ACTN3: variants seen among roughly 807,000 people sequenced by gnomAD.
ACTN3 encodes alpha-actinin-3.
ACTN3 carries 91 observed loss-of-function variants against 119.6 expected under a neutral mutation model. That is an observed-to-expected ratio of 0.76 (90% CI 0.64 to 0.91). ACTN3 has a LOEUF of 0.91. Ranked by LOEUF, ACTN3 falls within the 40% of genes least tolerant of loss-of-function variation. The pLI is 0.00. For missense variants in ACTN3, 1,221 were observed against 1,215.1 expected, an observed-to-expected ratio of 1.00 and a Z score of -0.07; for synonymous variants, 456 against 478.8, an observed-to-expected ratio of 0.95 and a Z score of 0.62.
rs372171270 is a variant in ACTN3 at position 66,562,065 on chromosome 11, G to A, written c.2219G>A (p.Arg740His). 3.1e-5 allele frequency: 50 copies of A among 1,613,130 alleles called. No homozygotes were observed. Among genetic ancestry groups the A allele is most frequent in the South Asian group, 4.4e-5 (4 of 90,962 alleles). ...GWEQLLTSIA[R>H]TINEVENQVL... Reference sequence around the variant, plus strand: ...GAGCAGCTGCTCACCTCCATTGCCCGCACCATCAATGAAGTGGAGAACCAG... The same window carrying A: ...GAGCAGCTGCTCACCTCCATTGCCCACACCATCAATGAAGTGGAGAACCAG... The change falls in exon 18 of 21, where the codon CGC (arginine) becomes CAC (histidine). Residue 740 changes from arginine to histidine, a missense_variant. Physicochemically the swap from Arg to His is conservative, Grantham distance 29. Coordinates refer to ENST00000513398, the MANE Select transcript of ACTN3 (RefSeq NM_001104.4).
chr11:66,549,622 T>C (rs1857430887), intron 1 of ACTN3, among the ~76,000 whole-genome samples: 1 of 150,684 alleles, frequency 6.6e-6, no homozygotes, highest in Admixed American at 6.7e-5. Context: ...TCCCAGCTAC[T>C]TGGGAGGCTG....
chr11:66,556,673 G>A (rs2134929983), intron 8 of ACTN3, among the ~76,000 whole-genome samples: 1 of 152,328 alleles, frequency 6.6e-6, no homozygotes, highest in Middle Eastern at 3.4e-3. Context: ...CTGGACTCAA[G>A]TAACTCACCC....
At chr11:66,546,414 A>T, upstream of ACTN3, 20 of 871,958 alleles carry the variant, frequency 2.3e-5, no homozygotes, top group Non-Finnish European at 3.5e-5. Context: ...GCCGCAGCCC[A>T]TCCAGCTGGC....
Position 66,554,053 on chromosome 11 carries a change from G to T in ACTN3, c.391G>T (p.Asp131Tyr). 6.2e-7 allele frequency: 1 copy of T among 1,613,752 alleles called. No homozygotes were observed. The highest frequency in any genetic ancestry group is 8.5e-7 in the Non-Finnish European group (1 of 1,179,886). Residue 131 changes from aspartate to tyrosine, a missense_variant, in exon 4 of 21, where the codon GAC (aspartate) becomes TAC (tyrosine). Around this residue, in one of 3 missense-constraint regions of ACTN3, gnomAD observed 239 missense variants for 231.8 expected, o/e 1.03. Coordinates refer to ENST00000513398, the MANE Select transcript of ACTN3 (RefSeq NM_001104.4). ...LVSIGAEEIV[D>Y]GNLKMTLGMI... ...TGACCCCTGCCCTGCAGAGATTGTT[G>T]ACGGGAACCTGAAGATGACCCTGGG... is the stretch of plus-strand genomic sequence containing the variant.
Position 66,546,973 on chromosome 11 carries a change from C to A in ACTN3, c.36C>A (p.Ala12=). 6.6e-7 allele frequency: 1 copy of A among 1,521,964 alleles called. No homozygotes were observed. Among genetic ancestry groups the A allele is most frequent in the Non-Finnish European group, 8.8e-7 (1 of 1,138,428 alleles). The allele number at this position is 1,521,964 out of a possible 1,614,324, so 94.3% of individuals were successfully genotyped here. ...MMVMQPEGLG[A]GEGRFAGGGG... ...TTATGCAGCCCGAGGGTCTGGGGGC[C>A]GGGGAGGGGCGCTTTGCGGGCGGCG... Residue 12 remains alanine (A), a synonymous_variant, in exon 1 of 21, where the codon GCC becomes GCA. Transcript: ENST00000513398.
In ACTN3 at chr11:66,561,286, G is replaced by A. The variant is rs1425349350; in HGVS notation, c.1920G>A (p.Gln640=). The A allele has an allele frequency of 6.2e-7, 1 of 1,607,406 alleles. No individual in the cohort carries two copies. The highest frequency in any genetic ancestry group is 8.5e-7 in the Non-Finnish European group (1 of 1,177,872). Residue 640 remains glutamine (Q), a synonymous_variant, in exon 16 of 21, where the codon CAG becomes CAA. Transcript: ENST00000513398. The stretch of plus-strand genomic sequence containing the variant: ...TGCAGGAGGAGCTGGCACGGCAGCA[G>A]GTAAACGAGAGGCTCCGGCGACAGT... ...QTLQEELARQ[Q]VNERLRRQFA...
chr11:66,546,635 G>C (rs1332144266), upstream of ACTN3: 2 of 1,533,708 alleles, frequency 1.3e-6, no homozygotes, highest in Admixed American at 3.9e-5. Context: ...GTGGAGAGGA[G>C]TAAACAGACT....
chr11:66,552,604 C>G lies in ACTN3; in HGVS notation c.382+957C>G, dbSNP rs143540578. On this transcript the variant is annotated intron_variant, in intron 3 of 20. Transcript: ENST00000513398. Reference sequence around the variant, plus strand: ...AGGCACAGTGGCTCACCCCTGTATTCTCGCACTTTGGGAGGCCAAGGCAAA... The same window carrying G: ...AGGCACAGTGGCTCACCCCTGTATTGTCGCACTTTGGGAGGCCAAGGCAAA... 3.3e-5 allele frequency among the ~76,000 whole-genome samples: 5 copies of G among 152,174 alleles called. 1 individual carries two copies. The highest frequency in any genetic ancestry group is 1.2e-4 in the African/African-American group (5 of 41,524).
At chr11:66,557,960 T>C (rs1232356726) in intron 10 of ACTN3, 31 bp downstream of exon 10, 1 of 1,613,082 alleles carries the variant, frequency 6.2e-7, no homozygotes, top group Non-Finnish European at 8.5e-7. Context: ...CTAGGTGACC[T>C]TGAGGTCCGT....
At chr11:66,555,005 TA>T in intron 5 of ACTN3, 124 bp from the exon 6 acceptor site, 1 of 841,648 alleles carries the variant, frequency 1.2e-6, no homozygotes, top group Non-Finnish European at 1.9e-6. Context: ...AACGCCAAGC[TA>T]AGGGATTTGT....
rs1183231844 is a variant in ACTN3, at chr11:66,563,109, G to A, written c.2622G>A (p.Val874=). Residue 874 remains valine (V), a synonymous_variant, in exon 21 of 21, where the codon GTG becomes GTA. Transcript: ENST00000513398. ...KQAEYCIRRM[V]PYKGSGAPAG... is the part of the protein sequence containing the mutation. ...CCGAGTACTGCATCCGCCGTATGGT[G>A]CCCTACAAGGGATCCGGGGCCCCGG... 2 of 1,613,270 alleles carry A rather than the reference G, an allele frequency of 1.2e-6. No individual in the cohort carries two copies. The highest frequency in any genetic ancestry group is 1.3e-5 in the African/African-American group (1 of 74,888).
intron 1 of ACTN3, among the ~76,000 whole-genome samples, chr11:66,547,911 C>G (rs1857395369): frequency 6.6e-6 from 1 of 152,134 alleles, no homozygotes; most frequent in Non-Finnish European, 1.5e-5. Flanking sequence ...GCTATTTTCA[C>G]TCCCAGACTT....
intron 3 of ACTN3, among the ~76,000 whole-genome samples, chr11:66,552,662 T>C (rs1164641905): frequency 9.9e-5 from 15 of 151,746 alleles, no homozygotes; most frequent in Non-Finnish European, 2.2e-4. Flanking sequence ...TTTGAGACCA[T>C]CCTGGCCAAC....
At position 66,560,736 on chromosome 11, in the gene ACTN3, TCAACAC is replaced by T. The variant is rs1268477014; in HGVS notation, c.1845_1850del (p.Asn615_Thr616del). Reference sequence around the variant, plus strand: ...TACATCACCCTCAGCCCGCAGGACATCAACACCAAGTGGGATATGGTCAGTGCCACC... The same window carrying T: ...TACATCACCCTCAGCCCGCAGGACATCAAGTGGGATATGGTCAGTGCCACC... On this transcript the variant is annotated inframe_deletion, in exon 15 of 21. Transcript: ENST00000513398. 1.2e-6 allele frequency: 2 copies of T among 1,612,694 alleles called. No homozygotes were observed. Among genetic ancestry groups the T allele is most frequent in the East Asian group, 4.5e-5 (2 of 44,856 alleles).
intron 17 of ACTN3, 143 bp from the exon 18 acceptor site, chr11:66,561,879 A>T: frequency 9.5e-7 from 1 of 1,048,360 alleles, no homozygotes; most frequent in East Asian, 2.6e-5. Flanking sequence ...GGGGTGGGTT[A>T]CTCAGTGGAG....
At chr11:66,561,717 T>C in intron 17 of ACTN3, 80 bp downstream of exon 17, 1 of 1,476,630 alleles carries the variant, frequency 6.8e-7, no homozygotes, top group Non-Finnish European at 9.1e-7. Flanking sequence ...GGACAGAGCA[T>C]GTGTGTCCCA....
intron 3 of ACTN3, among the ~76,000 whole-genome samples, chr11:66,552,763 A>G (rs1857499535): frequency 6.6e-6 from 1 of 151,818 alleles, no homozygotes; most frequent in Non-Finnish European, 1.5e-5. Context: ...AGGCTGAGGT[A>G]GGAGAATCCC....
At position 66,554,096 on chromosome 11, in the gene ACTN3, T is replaced by C. The variant is rs377124055; in HGVS notation, c.434T>C (p.Ile145Thr). 8.1e-6 allele frequency: 13 copies of C among 1,613,788 alleles called. No homozygotes were observed. The African/African-American group carries it at 1.3e-4, about 17-fold the overall frequency. ...KMTLGMIWTI[I>T]LRFAIQDISV... is the part of the protein sequence containing the mutation. ...ACCCTGGGCATGATCTGGACCATCATCCTTCGCTTCGCCATCCAGGACATC... is the reference window on the plus strand; with the variant it reads ...ACCCTGGGCATGATCTGGACCATCACCCTTCGCTTCGCCATCCAGGACATC... The change falls in exon 4 of 21, where the codon ATC becomes ACC. Residue 145 changes from isoleucine to threonine, a missense_variant. Physicochemically the swap from Ile to Thr is moderately conservative, Grantham distance 89. Around this residue, in one of 3 missense-constraint regions of ACTN3, gnomAD observed 239 missense variants for 231.8 expected, o/e 1.03. Transcript: ENST00000513398.
In ACTN3 at chr11:66,558,009, C is replaced by T; in HGVS notation, c.1129-18C>T. 4.3e-6 allele frequency: 7 copies of T among 1,613,668 alleles called. No homozygotes were observed. Among genetic ancestry groups the T allele is most frequent in the Non-Finnish European group, 5.9e-6 (7 of 1,179,794 alleles). Reference sequence around the variant, plus strand: ...AATGGGCAAACCGTGATGGAGCGCACCCCTGCCTGCTCCACAGGACATCGC... The same window carrying T: ...AATGGGCAAACCGTGATGGAGCGCATCCCTGCCTGCTCCACAGGACATCGC... On this transcript the variant is annotated intron_variant, in intron 10 of 20. Coordinates refer to ENST00000513398, the MANE Select transcript of ACTN3 (RefSeq NM_001104.4).
Sources: gnomAD v4.1 joint callset for allele counts (sites outside exome capture counted in the v4.1 genomes callset) on GRCh38, gnomAD v4.1.1 for gene constraint, gnomAD v4.1.1 regional missense constraint, MANE v1.5 for transcripts, NCBI Gene and HGNC (gene_info 2026-07-23, HGNC 2026-07-21) for gene names.